Variants in ASCC3 observed in about 807,000 individuals in gnomAD.
The protein encoded by ASCC3 is activating signal cointegrator 1 complex subunit 3.
Under a neutral mutation model 256.3 loss-of-function variants are expected in ASCC3, and 158 were observed. The ratio of observed to expected loss-of-function variants is 0.62; its 90% CI spans 0.54 to 0.70. ASCC3 has a LOEUF of 0.70. Ranked by LOEUF, ASCC3 falls within the 30% of genes least tolerant of loss-of-function variation. The probability of loss-of-function intolerance (pLI) is 0.00; values close to 1 mark genes in which losing one functional copy is unlikely to be tolerated. For synonymous variants in ASCC3, 948 were observed against 883.4 expected, an observed-to-expected ratio of 1.07 and a Z score of -1.30; for missense variants, 2,259 against 2,626.0, an observed-to-expected ratio of 0.86 and a Z score of 3.05.
At chr6:100,710,965 T>C (rs187906507) in intron 13 of ASCC3, among the ~76,000 whole-genome samples, 379 of 152,286 alleles carry the variant, frequency 2.5e-3, no homozygotes, top group South Asian at 4.2e-3. Context: ...AGTAATAGCA[T>C]TATTAAACTA....
At chr6:100,647,874 A>G (rs1392130598) in intron 20 of ASCC3, among the ~76,000 whole-genome samples, 1 of 152,042 alleles carries the variant, frequency 6.6e-6, no homozygotes, top group East Asian at 1.9e-4. Context: ...CCTGATAGGG[A>G]AAAAAAATAA....
intron 11 of ASCC3, among the ~76,000 whole-genome samples, chr6:100,720,044 A>G (rs147382534): frequency 2.7e-4 from 41 of 152,146 alleles, no homozygotes; most frequent in Non-Finnish European, 5.0e-4. Flanking sequence ...CTTCTACATT[A>G]GTTACAAATG....
chr6:100,568,344 G>A (rs754684927), intron 36 of ASCC3, among the ~76,000 whole-genome samples: 11 of 151,004 alleles, frequency 7.3e-5, no homozygotes, highest in African/African-American at 1.2e-4. Context: ...CTCCAGCCTC[G>A]GCGACAAAGT....
intron 8 of ASCC3, among the ~76,000 whole-genome samples, chr6:100,781,966 T>C (rs1782470722): frequency 6.6e-6 from 1 of 152,032 alleles, no homozygotes; most frequent in Non-Finnish European, 1.5e-5. Flanking sequence ...ATATATATTA[T>C]ACCAACATAT....
intron 22 of ASCC3, among the ~76,000 whole-genome samples, chr6:100,645,350 CATT>C (rs913153226): frequency 4.0e-5 from 6 of 151,372 alleles, no homozygotes; most frequent in African/African-American, 1.5e-4. Context: ...CTGTAAAAAA[CATT>C]ATTATTATTA....
In ASCC3 at chr6:100,848,287, G is replaced by A. The variant is rs1772482312; in HGVS notation, c.662C>T (p.Ser221Phe). The change falls in exon 4 of 42, where the codon TCC (serine) becomes TTC (phenylalanine). Residue 221 changes from serine (S) to phenylalanine (F), a missense_variant. Around this residue, in one of 2 missense-constraint regions of ASCC3, gnomAD observed 420 missense variants for 419.3 expected, o/e 1.00. Coordinates refer to ENST00000369162, the MANE Select transcript of ASCC3 (RefSeq NM_006828.4). ...CTTTTCAACTTCACACCACAAAAAG[G>A]AGCCATTTGTTTTTTCCACAGGCTT... Reference protein sequence around the residue: ...ELKPVEKTNGSFLWCEVEKYL... With the variant: ...ELKPVEKTNGFFLWCEVEKYL... 6.2e-7 allele frequency: 1 copy of A among 1,613,932 alleles called. No individual in the cohort carries two copies. Among genetic ancestry groups the A allele is most frequent in the Non-Finnish European group, 8.5e-7 (1 of 1,179,976 alleles).
chr6:100,777,125 C>T (rs995324683), intron 8 of ASCC3, among the ~76,000 whole-genome samples: 5 of 152,182 alleles, frequency 3.3e-5, no homozygotes, highest in African/African-American at 1.2e-4. Flanking sequence ...ACATGAATAC[C>T]TTATTTAACA....
chr6:100,526,108 C>CGTAA (rs1774565976), intron 37 of ASCC3, among the ~76,000 whole-genome samples: 1 of 152,174 alleles, frequency 6.6e-6, no homozygotes, highest in Admixed American at 6.6e-5. Flanking sequence ...TGAACTTTTA[C>CGTAA]CCCCAGAAGG....
At chr6:100,821,153 G>C (rs1771019046) in intron 4 of ASCC3, among the ~76,000 whole-genome samples, 1 of 152,086 alleles carries the variant, frequency 6.6e-6, no homozygotes, top group Non-Finnish European at 1.5e-5. Context: ...CAAGTAGCTG[G>C]GACTATAGGT....
intron 8 of ASCC3, among the ~76,000 whole-genome samples, chr6:100,774,305 C>T (rs1782076822): frequency 6.6e-6 from 1 of 152,062 alleles, no homozygotes; most frequent in Non-Finnish European, 1.5e-5. Context: ...CGTGCATGTA[C>T]TCAGACATGT....
At chr6:100,812,882 A>C (rs1318579544) in intron 4 of ASCC3, among the ~76,000 whole-genome samples, 1 of 151,978 alleles carries the variant, frequency 6.6e-6, no homozygotes, top group Admixed American at 6.6e-5. Context: ...ATGAGCTATG[A>C]TCACACCACT....
At chr6:100,642,773 T>A (rs755855812) in intron 23 of ASCC3, 24 bp from the exon 24 acceptor site, 2 of 1,581,692 alleles carry the variant, frequency 1.3e-6, no homozygotes, top group South Asian at 2.2e-5. Flanking sequence ...CAGTCAAAAA[T>A]AAATATGGAT....
chr6:100,605,523 T>C (rs761902820), intron 33 of ASCC3, 45 bp downstream of exon 33: 17 of 1,373,398 alleles, frequency 1.2e-5, no homozygotes, highest in African/African-American at 2.9e-5. Context: ...AAACACCAAC[T>C]TGTGATTAAA....
At chr6:100,521,933 A>T (rs763812371) in intron 37 of ASCC3, among the ~76,000 whole-genome samples, 3 of 152,166 alleles carry the variant, frequency 2.0e-5, no homozygotes, top group Non-Finnish European at 4.4e-5. Flanking sequence ...GCTCCTCCCC[A>T]GACTGGGGAT....
intron 22 of ASCC3, among the ~76,000 whole-genome samples, chr6:100,645,872 G>A (rs1775355662): frequency 6.6e-6 from 1 of 152,070 alleles, no homozygotes; most frequent in Admixed American, 6.6e-5. Flanking sequence ...GAAAATAACT[G>A]AGAAAAATCT....
At chr6:100,670,418 T>G (rs1157496067) in intron 14 of ASCC3, among the ~76,000 whole-genome samples, 1 of 151,960 alleles carries the variant, frequency 6.6e-6, no homozygotes, top group Non-Finnish European at 1.5e-5. Context: ...TAATTTACAC[T>G]GTCTGCCTGT....
intron 10 of ASCC3, among the ~76,000 whole-genome samples, chr6:100,737,215 G>C (rs1260033067): frequency 9.6e-6 from 1 of 103,900 alleles, no homozygotes; most frequent in Non-Finnish European, 2.0e-5. Flanking sequence ...AACATTCTAT[G>C]ATCAGGACTC....
At position 100,530,402 on chromosome 6, in the gene ASCC3, T is replaced by C. The variant is rs547530843; in HGVS notation, c.5775+9761A>G. On this transcript the variant is annotated intron_variant, in intron 37 of 41. Coordinates refer to ENST00000369162, the MANE Select transcript of ASCC3 (RefSeq NM_006828.4). The stretch of plus-strand genomic sequence containing the variant: ...ACTGGAAGTTAGATGTTGCAACAGA[T>C]AATTTTTTCCAAAATCCTGAACTTT... The C allele has an allele frequency of 1.1e-5, 12 of 1,080,242 alleles. No homozygotes were observed. In the African/African-American group the frequency reaches 1.7e-4, roughly 15 times the overall value. 66.9% of individuals were successfully genotyped at this position (1,080,242 alleles called of 1,614,324 possible).
chr6:100,796,058 G>C (rs1769597135), intron 8 of ASCC3, among the ~76,000 whole-genome samples: 1 of 152,038 alleles, frequency 6.6e-6, no homozygotes, highest in African/African-American at 2.4e-5. Flanking sequence ...TTATTCCCCA[G>C]TTATTATTAG....
Sources: gnomAD v4.1 joint callset for allele counts (sites outside exome capture counted in the v4.1 genomes callset) on GRCh38, gnomAD v4.1.1 for gene constraint, gnomAD v4.1.1 regional missense constraint, MANE v1.5 for transcripts, NCBI Gene and HGNC (gene_info 2026-07-23, HGNC 2026-07-21) for gene names.